MYO9A: variants seen among roughly 807,000 people sequenced by gnomAD.
The protein encoded by MYO9A is unconventional myosin-IXa.
A neutral mutation model predicts 293.3 loss-of-function variants in MYO9A; 103 were observed. The observed-to-expected ratio is 0.35, with a 90% CI of 0.30 to 0.41. MYO9A has a LOEUF of 0.41. MYO9A is among the 10% of genes least tolerant of loss of function. The pLI is 1.00. For missense variants in MYO9A, 2,685 were observed against 3,033.0 expected (o/e 0.89, Z 2.69); for synonymous variants, 1,001 against 1,035.7 (o/e 0.97, Z 0.64).
intron 1 of MYO9A, chr15:72,117,166 A>G (rs2081015541): frequency 6.6e-6 from 1 of 152,240 alleles, no homozygotes; most frequent in Non-Finnish European, 1.5e-5. Flanking sequence ...ATCTACCGGG[A>G]GTAAGAACAC....
At chr15:72,043,786 A>G (rs1566977561) in intron 2 of MYO9A, among the ~76,000 whole-genome samples, 1 of 152,170 alleles carries the variant, frequency 6.6e-6, no homozygotes, top group African/African-American at 2.4e-5. Flanking sequence ...TCATGGGTAT[A>G]TACATGTCAA....
In MYO9A at chr15:71,825,096, T is replaced by C. The variant is rs1005712916; in HGVS notation, c.*1484A>G. ...TAAAAATAAACATTTCACATACTTATCTCAAGAAAGGCTATCATGTTTCAT... is the reference window on the plus strand; with the variant it reads ...TAAAAATAAACATTTCACATACTTACCTCAAGAAAGGCTATCATGTTTCAT... On this transcript the variant is annotated 3_prime_UTR_variant, in exon 42 of 42. Transcript: ENST00000356056. The C allele has an allele frequency of 6.6e-6, 1 of 152,110 alleles. No individual in the cohort carries two copies. The highest frequency in any genetic ancestry group is 2.4e-5 in the African/African-American group (1 of 41,414). The allele number at this position is 152,110 out of a possible 1,614,324, so 9.4% of individuals were successfully genotyped here.
chr15:72,000,058 G>A, intron 8 of MYO9A, 118 bp from the exon 9 acceptor site: 6 of 686,030 alleles, frequency 8.7e-6, no homozygotes, highest in Admixed American at 6.9e-5. Flanking sequence ...ACATAGCAGA[G>A]AAAAAAGGCA....
intron 13 of MYO9A, among the ~76,000 whole-genome samples, chr15:71,965,191 T>G (rs2075842284): frequency 6.6e-6 from 1 of 152,008 alleles, no homozygotes; most frequent in South Asian, 2.1e-4. Context: ...TTTTGCTTAG[T>G]TTCTAAATAT....
chr15:71,980,795 G>A (rs1041463627), intron 11 of MYO9A, among the ~76,000 whole-genome samples: 4 of 152,206 alleles, frequency 2.6e-5, no homozygotes, highest in East Asian at 1.9e-4. Context: ...CTATGATTGC[G>A]CCACTGCACT....
chr15:72,066,059 A>G (rs1396771826), intron 1 of MYO9A, among the ~76,000 whole-genome samples: 1 of 152,234 alleles, frequency 6.6e-6, no homozygotes, highest in Non-Finnish European at 1.5e-5. Flanking sequence ...TGAAAAGAAC[A>G]TGTCCCATCT....
chr15:71,826,428 G>A lies in MYO9A; in HGVS notation c.*152C>T. The stretch of plus-strand genomic sequence containing the variant: ...GCTTTCTGCTTCTGCAGGAGGCCCA[G>A]GAATTCAGCACATACAGTCTTAGCC... On this transcript the variant is annotated 3_prime_UTR_variant, in exon 42 of 42. Coordinates refer to ENST00000356056, the MANE Select transcript of MYO9A (RefSeq NM_006901.4). 1.4e-6 allele frequency: 1 copy of A among 713,316 alleles called. No individual in the cohort carries two copies. 44.2% of individuals were successfully genotyped at this position (713,316 alleles called of 1,614,324 possible). A position where few individuals can be genotyped will look rare whatever the true frequency, so the allele number is the denominator to read the frequency against.
intron 13 of MYO9A, among the ~76,000 whole-genome samples, chr15:71,966,392 G>T (rs1176738872): frequency 6.6e-6 from 1 of 151,738 alleles, no homozygotes; most frequent in Non-Finnish European, 1.5e-5. Flanking sequence ...AGGGGAGCTG[G>T]CTGGGAAGGG....
chr15:71,921,014 T>C (rs2058143074), intron 18 of MYO9A, among the ~76,000 whole-genome samples: 1 of 152,194 alleles, frequency 6.6e-6, no homozygotes, highest in Non-Finnish European at 1.5e-5. Context: ...ACAGTAAAAT[T>C]AGTTTGAGCA....
At chr15:72,026,795 T>A (rs1566961614) in intron 4 of MYO9A, among the ~76,000 whole-genome samples, 1 of 152,230 alleles carries the variant, frequency 6.6e-6, no homozygotes, top group African/African-American at 2.4e-5. Context: ...ACAAAAAAGA[T>A]TGTAAGGGAT....
At chr15:72,035,216 A>G (rs544903023) in intron 2 of MYO9A, among the ~76,000 whole-genome samples, 2 of 152,304 alleles carry the variant, frequency 1.3e-5, no homozygotes, top group South Asian at 2.1e-4. Flanking sequence ...AAAAAGTAAA[A>G]CATTCACAGA....
At chr15:72,056,887 A>G (rs974747584) in intron 1 of MYO9A, among the ~76,000 whole-genome samples, 1 of 152,104 alleles carries the variant, frequency 6.6e-6, no homozygotes, top group African/African-American at 2.4e-5. Context: ...AGGCGGGCGG[A>G]TCACCTGAGG....
At chr15:71,877,902 G>A (rs893253263) in intron 31 of MYO9A, 138 bp downstream of exon 31, 26 of 660,260 alleles carry the variant, frequency 3.9e-5, no homozygotes, top group Non-Finnish European at 6.3e-5. Flanking sequence ...CTAAAGTGGC[G>A]CTAAGTTGAC....
At position 71,826,669 on chromosome 15, in the gene MYO9A, C is replaced by T. The variant is rs368011236; in HGVS notation, c.7558G>A (p.Val2520Ile). 3 of 1,613,926 alleles carry T rather than the reference C, an allele frequency of 1.9e-6. No homozygotes were observed. Among genetic ancestry groups the T allele is most frequent in the Non-Finnish European group, 2.5e-6 (3 of 1,179,972 alleles). The change falls in exon 42 of 42, where the codon GTC (valine) becomes ATC (isoleucine). Residue 2520 changes from valine (V) to isoleucine (I), a missense_variant. By Grantham distance (29) the Val-to-Ile change is conservative. Around this residue, in one of 10 missense-constraint regions of MYO9A, gnomAD observed 350 missense variants for 328.9 expected, o/e 1.06. Coordinates refer to ENST00000356056, the MANE Select transcript of MYO9A (RefSeq NM_006901.4). ...ACAGTTTTTCTGCGGCCAGACATGA[C>T]TGTCCCCTCTGGGGTCTCTTTGGTT... ...QKTKETPEGT[V>I]MSGRRKTVDP...
At chr15:72,024,268 A>G (rs2077594039) in intron 4 of MYO9A, among the ~76,000 whole-genome samples, 2 of 152,226 alleles carry the variant, frequency 1.3e-5, no homozygotes, top group Admixed American at 6.5e-5. Context: ...AATATAAAAG[A>G]TAGTATAAAT....
chr15:71,878,086 T>C lies in MYO9A; in HGVS notation c.5885A>G (p.Asp1962Gly). The C allele has an allele frequency of 6.2e-7, 1 of 1,610,760 alleles. No individual in the cohort carries two copies. The highest frequency in any genetic ancestry group is 8.5e-7 in the Non-Finnish European group (1 of 1,179,034). The change falls in exon 31 of 42, where the codon GAT becomes GGT. Residue 1962 changes from aspartate to glycine, a missense_variant. Physicochemically the swap from Asp to Gly is moderately conservative, Grantham distance 94. Coordinates refer to ENST00000356056, the MANE Select transcript of MYO9A (RefSeq NM_006901.4). ...VWVNTFKVFL[D>G]EYMNEFKTSD... ...AGTCTTGAATTCATTCATATATTCA[T>C]CTAAAAACACTTTAAAAGTGTTGAC...
intron 37 of MYO9A, 140 bp from the exon 38 acceptor site, chr15:71,850,307 A>G: frequency 1.0e-6 from 1 of 974,952 alleles, no homozygotes; most frequent in East Asian, 2.7e-5. Flanking sequence ...ATTAAGTTTA[A>G]GGGTCTGCAG....
intron 15 of MYO9A, among the ~76,000 whole-genome samples, chr15:71,948,146 A>T (rs2058964358): frequency 6.6e-6 from 1 of 152,240 alleles, no homozygotes; most frequent in Non-Finnish European, 1.5e-5. Context: ...TAAGTACAGG[A>T]CATGCCTTAT....
At chr15:71,936,706 C>T (rs1037720696) in intron 16 of MYO9A, among the ~76,000 whole-genome samples, 2 of 151,866 alleles carry the variant, frequency 1.3e-5, no homozygotes, top group Non-Finnish European at 2.9e-5. Flanking sequence ...TCTCAGCTTC[C>T]ATTTGCTTAG....
Sources: gnomAD v4.1 joint callset for allele counts (sites outside exome capture counted in the v4.1 genomes callset) on GRCh38, gnomAD v4.1.1 for gene constraint, gnomAD v4.1.1 regional missense constraint, MANE v1.5 for transcripts, NCBI Gene and HGNC (gene_info 2026-07-23, HGNC 2026-07-21) for gene names.